Variants in COL25A1 observed in about 807,000 individuals in gnomAD.
The protein encoded by COL25A1 is collagen alpha-1(XXV) chain.
Under a neutral mutation model 128.4 loss-of-function variants are expected in COL25A1, and 103 were observed. That is an observed-to-expected ratio of 0.80 (90% CI 0.68 to 0.94). COL25A1 has a LOEUF of 0.94. COL25A1 is among the 40% of genes least tolerant of loss of function. The probability of loss-of-function intolerance (pLI) is 0.00; values close to 1 mark genes in which losing one functional copy is unlikely to be tolerated. For synonymous variants in COL25A1, 279 were observed against 277.2 expected (o/e 1.01, Z -0.06); for missense variants, 745 against 840.0 (o/e 0.89, Z 1.40).
chr4:109,201,877 CT>C (rs1776581245), intron 3 of COL25A1, among the ~76,000 whole-genome samples: 1 of 152,124 alleles, frequency 6.6e-6, no homozygotes, highest in Admixed American at 6.6e-5. Context: ...ATAAAAACCA[CT>C]TATGTTACCA....
intron 3 of COL25A1, among the ~76,000 whole-genome samples, chr4:109,283,505 C>T (rs1365325550): frequency 6.6e-6 from 1 of 152,072 alleles, no homozygotes; most frequent in Admixed American, 6.6e-5. Flanking sequence ...TTAAGTGATC[C>T]TCCCACCTAG....
chr4:109,147,615 G>A (rs145366450), intron 3 of COL25A1, among the ~76,000 whole-genome samples: 6,132 of 152,034 alleles, frequency 0.04, 157 homozygotes, highest in Non-Finnish European at 0.061. Flanking sequence ...TCAGGAGTTC[G>A]AGACCAGCCT....
In COL25A1 at chr4:108,909,797, C is replaced by T. The variant is rs181306034; in HGVS notation, c.780+8375G>A. On this transcript the variant is annotated intron_variant, in intron 13 of 37. Transcript: ENST00000399132. ...GAGTATGCACGGTCACACAGATACT[C>T]CCCCATTCCACTCCCTGCCTGATAA... Among the ~76,000 whole-genome samples the T allele has an allele frequency of 9.2e-5, 14 of 152,282 alleles. No homozygotes were observed. In the East Asian group the frequency reaches 2.7e-3, roughly 29 times the overall value.
chr4:108,952,712 A>G (rs1749586166), intron 8 of COL25A1, among the ~76,000 whole-genome samples: 1 of 152,132 alleles, frequency 6.6e-6, no homozygotes, highest in South Asian at 2.1e-4. Context: ...GAAAGGAAAC[A>G]GTCTACATCT....
At chr4:109,158,997 G>A (rs1021353083) in intron 3 of COL25A1, among the ~76,000 whole-genome samples, 2 of 151,814 alleles carry the variant, frequency 1.3e-5, no homozygotes, top group African/African-American at 2.4e-5. Context: ...ATGTATTTAC[G>A]TAGTATGTAT....
rs998457308 is a variant in COL25A1, at chr4:109,010,369, G to T, written c.427C>A (p.Pro143Thr). The T allele has an allele frequency of 6.3e-7, 1 of 1,575,642 alleles. No homozygotes were observed. Residue 143 changes from proline (P) to threonine (T), a missense_variant, in exon 6 of 38, where the codon CCT becomes ACT. Pro to Thr is a conservative substitution (Grantham distance 38). Around this residue, in one of 3 missense-constraint regions of COL25A1, gnomAD observed 319 missense variants for 324.9 expected, o/e 0.98. Transcript: ENST00000399132. ...RRGESGPPGQ[P>T]GPQGPPGPKG... is the part of the protein sequence containing the mutation. ...AAGAATTACCTTACCTGAGGACCAG[G>T]CTGTCCCTGAAATTAAAAAGAAAAA...
Position 109,042,305 on chromosome 4 carries a change from C to A in COL25A1, c.420+5863G>T, listed in dbSNP as rs142070416. Among the ~76,000 whole-genome samples the A allele has an allele frequency of 7.2e-3, 1,100 of 152,204 alleles. 14 individuals are homozygous for A. Among genetic ancestry groups the A allele is most frequent in the Middle Eastern group, 0.024 (7 of 294 alleles). ...GACACTAGAGAATCTATTCTATGTA[C>A]ACATTCATAGTCATATTCTTTTTCT... is the stretch of plus-strand genomic sequence containing the variant. On this transcript the variant is annotated intron_variant, in intron 5 of 37. Coordinates refer to ENST00000399132, the MANE Select transcript of COL25A1 (RefSeq NM_198721.4).
intron 3 of COL25A1, among the ~76,000 whole-genome samples, chr4:109,177,926 G>A (rs1304247902): frequency 6.6e-6 from 1 of 152,162 alleles, no homozygotes; most frequent in Non-Finnish European, 1.5e-5. Flanking sequence ...TGTTAATCTT[G>A]TGAGGGAAGA....
At chr4:109,293,242 C>T (rs1724642069) in intron 3 of COL25A1, among the ~76,000 whole-genome samples, 1 of 151,956 alleles carries the variant, frequency 6.6e-6, no homozygotes, top group Non-Finnish European at 1.5e-5. Flanking sequence ...CCTCTGGCTC[C>T]CTAACTATTG....
At chr4:109,270,431 C>G (rs1357650904) in intron 3 of COL25A1, among the ~76,000 whole-genome samples, 1 of 152,172 alleles carries the variant, frequency 6.6e-6, no homozygotes, top group South Asian at 2.1e-4. Flanking sequence ...CAACAGCAGA[C>G]AAACAGAGAG....
intron 18 of COL25A1, among the ~76,000 whole-genome samples, chr4:108,885,908 C>G (rs1402326558): frequency 6.6e-6 from 1 of 152,060 alleles, no homozygotes. Context: ...TTCCTCCCAC[C>G]AAATGAAAGG....
In COL25A1 at chr4:109,193,765, AC is replaced by A. The variant is rs550727909; in HGVS notation, c.367+106817del. Among the ~76,000 whole-genome samples the A allele has an allele frequency of 2.3e-3, 344 of 152,220 alleles. 1 individual carries two copies. The highest frequency in any genetic ancestry group is 7.6e-3 in the African/African-American group (316 of 41,508). ...GTAACACAGATGAGCTCCAAGAGTC[AC>A]TAAATACACAACATTGCCAAAAATC... is the stretch of plus-strand genomic sequence containing the variant. On this transcript the variant is annotated intron_variant, in intron 3 of 37. Transcript: ENST00000399132.
At position 108,972,108 on chromosome 4, in the gene COL25A1, AG is replaced by A. The variant is rs147606461; in HGVS notation, c.492+2258del. 4.8e-3 allele frequency among the ~76,000 whole-genome samples: 725 copies of A among 152,328 alleles called. 17 individuals are homozygous for A. The East Asian group carries it at 0.065, about 14-fold the overall frequency. ...TTCCAAATATTCAAGAAAATGATAT[AG>A]GTCTCATGATGGAAATTCACCTGAC... On this transcript the variant is annotated intron_variant, in intron 8 of 37. Transcript: ENST00000399132.
At chr4:108,848,475 A>G (rs543394257) in intron 27 of COL25A1, among the ~76,000 whole-genome samples, 1 of 152,344 alleles carries the variant, frequency 6.6e-6, no homozygotes, top group East Asian at 1.9e-4. Flanking sequence ...GGCTAGTTTT[A>G]CTAACTTGGT....
At chr4:109,154,982 T>C (rs754268908) in intron 3 of COL25A1, among the ~76,000 whole-genome samples, 2 of 152,246 alleles carry the variant, frequency 1.3e-5, no homozygotes, top group Admixed American at 6.5e-5. Flanking sequence ...CTTCCCTCCT[T>C]CCCATTTTCC....
rs144493040 is a variant in COL25A1 at position 109,273,621 on chromosome 4, T to C, written c.367+26962A>G. On this transcript the variant is annotated intron_variant, in intron 3 of 37. Transcript: ENST00000399132. Reference sequence around the variant, plus strand: ...AAGCAATTATATTTGACCCAGTGGTTTCCAATATTATCAAAAGTACTAAAG... The same window carrying C: ...AAGCAATTATATTTGACCCAGTGGTCTCCAATATTATCAAAAGTACTAAAG... Among the ~76,000 whole-genome samples the C allele has an allele frequency of 4.1e-3, 617 of 152,268 alleles. 3 individuals carry two copies. The highest frequency in any genetic ancestry group is 6.5e-3 in the Non-Finnish European group (440 of 68,012).
At chr4:109,265,956 C>T (rs1781763188) in intron 3 of COL25A1, among the ~76,000 whole-genome samples, 1 of 152,118 alleles carries the variant, frequency 6.6e-6, no homozygotes, top group Non-Finnish European at 1.5e-5. Flanking sequence ...TTCCATAGCC[C>T]TTCTCTTTTC....
At position 108,809,250 on chromosome 4, in the gene COL25A1, G is replaced by C. The variant is rs944826593; in HGVS notation, c.*4677C>G. 5 of 151,898 alleles carry C rather than the reference G, an allele frequency of 3.3e-5. No homozygotes were observed. Among genetic ancestry groups the C allele is most frequent in the African/African-American group, 1.2e-4 (5 of 41,412 alleles). The allele number at this position is 151,898 out of a possible 1,614,324, so 9.4% of individuals were successfully genotyped here. ...AGTTTTTGGCAATATAAAAATAGCT[G>C]CACATAGAGATGAACTTTAAAATGT... On this transcript the variant is annotated 3_prime_UTR_variant, in exon 38 of 38. Coordinates refer to ENST00000399132, the MANE Select transcript of COL25A1 (RefSeq NM_198721.4).
At chr4:108,992,342 C>T (rs970935195) in intron 6 of COL25A1, among the ~76,000 whole-genome samples, 44 of 152,292 alleles carry the variant, frequency 2.9e-4, no homozygotes, top group African/African-American at 1.0e-3. Flanking sequence ...GTTGAAGATA[C>T]TGATGGGGTT....
Sources: allele counts gnomAD v4.1 joint callset (sites outside exome capture counted in the v4.1 genomes callset), GRCh38; gene constraint gnomAD v4.1.1; regional missense constraint gnomAD v4.1.1; transcripts MANE v1.5; gene names NCBI Gene and HGNC (gene_info 2026-07-23, HGNC 2026-07-21).